The following KAZN variants were observed in gnomAD, a reference collection of about 807,000 sequenced individuals.
KAZN encodes kazrin.
A neutral mutation model predicts 87.4 loss-of-function variants in KAZN; 40 were observed. The observed-to-expected ratio is 0.46, with a 90% CI of 0.36 to 0.60. The LOEUF (loss-of-function observed/expected upper bound fraction) is 0.60, where lower values mean the gene tolerates loss of function less well. KAZN is among the 20% of genes least tolerant of loss of function. KAZN has a pLI of 0.00. For missense variants in KAZN, 898 were observed against 1,073.9 expected, an observed-to-expected ratio of 0.84 and a Z score of 2.29; for synonymous variants, 466 against 458.3, an observed-to-expected ratio of 1.02 and a Z score of -0.22.
chr1:14,800,437 G>A (rs1017126556), intron 1 of KAZN, among the ~76,000 whole-genome samples: 22 of 152,074 alleles, frequency 1.4e-4, no homozygotes, highest in African/African-American at 3.6e-4. Flanking sequence ...ACGGTGGCTC[G>A]TGCCTGTAAT....
chr1:14,179,309 C>A (rs887147138), intron 1 of KAZN, among the ~76,000 whole-genome samples: 3 of 152,190 alleles, frequency 2.0e-5, no homozygotes, highest in African/African-American at 7.2e-5. Context: ...TTTCTCTTTT[C>A]TATGCTGGAG....
intron 2 of KAZN, among the ~76,000 whole-genome samples, chr1:14,965,495 A>T (rs531068643): frequency 6.6e-6 from 1 of 152,348 alleles, no homozygotes; most frequent in Admixed American, 6.5e-5. Flanking sequence ...AATTTGCTTC[A>T]TTCCTTTTTA....
intron 1 of KAZN, among the ~76,000 whole-genome samples, chr1:14,810,834 G>C (rs1207904534): frequency 6.6e-6 from 1 of 152,132 alleles, no homozygotes; most frequent in Non-Finnish European, 1.5e-5. Context: ...CCCAGGGTGG[G>C]GACAGGCCAG....
intron 1 of KAZN, among the ~76,000 whole-genome samples, chr1:14,613,646 A>G (rs887897086): frequency 3.3e-5 from 5 of 152,254 alleles, no homozygotes; most frequent in Admixed American, 2.6e-4. Context: ...CATATATTTG[A>G]AAACTAATGG....
chr1:14,418,494 C>T (rs915287343), intron 2 of KAZN, among the ~76,000 whole-genome samples: 4 of 151,996 alleles, frequency 2.6e-5, no homozygotes, highest in African/African-American at 9.7e-5. Context: ...TGTAAGTTTT[C>T]GGGTGGGAAG....
chr1:14,145,408 C>T (rs1460219308), intron 1 of KAZN, among the ~76,000 whole-genome samples: 6 of 152,024 alleles, frequency 3.9e-5, no homozygotes, highest in Non-Finnish European at 8.8e-5. Context: ...TGCACTACTG[C>T]ACTCCAGCCT....
intron 1 of KAZN, among the ~76,000 whole-genome samples, chr1:14,804,404 C>T (rs2100754534): frequency 1.3e-5 from 2 of 152,200 alleles, no homozygotes; most frequent in East Asian, 3.9e-4. Context: ...GCTTGTAAGT[C>T]CTTGTGTCTC....
intron 2 of KAZN, among the ~76,000 whole-genome samples, chr1:14,237,963 TC>T (rs1362573442): frequency 6.6e-6 from 1 of 152,216 alleles, no homozygotes; most frequent in Non-Finnish European, 1.5e-5. Context: ...TTTCGGCCTT[TC>T]TTCTTTTCTA....
intron 1 of KAZN, among the ~76,000 whole-genome samples, chr1:14,872,252 T>G (rs538209639): frequency 1.3e-5 from 2 of 152,270 alleles, no homozygotes; most frequent in Admixed American, 6.5e-5. Flanking sequence ...AACTACTACT[T>G]TAGGGTGGTT....
chr1:14,602,964 A>G (rs1354408878), intron 1 of KAZN, among the ~76,000 whole-genome samples: 1 of 152,224 alleles, frequency 6.6e-6, no homozygotes, highest in Non-Finnish European at 1.5e-5. Flanking sequence ...GTACCTTTGT[A>G]CATTTCCATA....
At chr1:14,787,751 C>A (rs1645551692) in intron 1 of KAZN, among the ~76,000 whole-genome samples, 1 of 152,114 alleles carries the variant, frequency 6.6e-6, no homozygotes, top group Admixed American at 6.5e-5. Context: ...CAGTTGTGCA[C>A]AACAGCCCTG....
chr1:15,020,474 A>G (rs959315908), intron 2 of KAZN, among the ~76,000 whole-genome samples: 2 of 152,102 alleles, frequency 1.3e-5, no homozygotes, highest in African/African-American at 4.8e-5. Context: ...ACTTCTAGCC[A>G]TGGAGATTAA....
intron 1 of KAZN, among the ~76,000 whole-genome samples, chr1:14,822,291 T>C (rs1026021204): frequency 2.6e-5 from 4 of 152,154 alleles, no homozygotes; most frequent in Non-Finnish European, 4.4e-5. Context: ...CTAGAGATAC[T>C]GATTCAGGTC....
At chr1:14,668,903 C>T (rs368344109) in intron 1 of KAZN, among the ~76,000 whole-genome samples, 5 of 152,156 alleles carry the variant, frequency 3.3e-5, no homozygotes, top group African/African-American at 9.7e-5. Context: ...AAGGAGTTTG[C>T]GTTTGGAATT....
chr1:14,683,352 A>G (rs1640781050), intron 1 of KAZN, among the ~76,000 whole-genome samples: 1 of 152,178 alleles, frequency 6.6e-6, no homozygotes, highest in South Asian at 2.1e-4. Flanking sequence ...GAATTATATT[A>G]ATGGGACGTG....
rs776514083 is a variant in KAZN at position 14,381,302 on chromosome 1, C to A, written c.249+200710C>A. Reference sequence around the variant, plus strand: ...AAGAGAGAGATGCAACCTACAAGGACTGAACCATGAGCCATTCTAAACTCA... The same window carrying A: ...AAGAGAGAGATGCAACCTACAAGGAATGAACCATGAGCCATTCTAAACTCA... On this transcript the variant is annotated intron_variant, in intron 2 of 16. Coordinates refer to the KAZN transcript ENST00000636203. Among the ~76,000 whole-genome samples, 79 of 152,026 alleles carry A rather than the reference C, an allele frequency of 5.2e-4. 2 individuals carry two copies. The highest frequency in any genetic ancestry group is 2.6e-4 in the Admixed American group (4 of 15,270).
chr1:14,459,426 C>G (rs1040798456), intron 2 of KAZN, among the ~76,000 whole-genome samples: 1 of 151,824 alleles, frequency 6.6e-6, no homozygotes. Context: ...AAAAAGGCAG[C>G]TCTGCACTCT....
intron 1 of KAZN, among the ~76,000 whole-genome samples, chr1:14,065,228 C>T (rs1007309867): frequency 6.6e-6 from 1 of 152,146 alleles, no homozygotes; most frequent in Non-Finnish European, 1.5e-5. Flanking sequence ...CATGATAAAG[C>T]TCATTCAGGT....
At chr1:14,798,377 C>T (rs12062305) in intron 1 of KAZN, among the ~76,000 whole-genome samples, 2,893 of 151,036 alleles carry the variant, frequency 0.019, 60 homozygotes, top group African/African-American at 0.052. Context: ...ATCAATAGCC[C>T]TCGGAGGTGA....
Sources: allele counts gnomAD v4.1 joint callset (sites outside exome capture counted in the v4.1 genomes callset), GRCh38; gene constraint gnomAD v4.1.1; transcripts MANE v1.5; gene names NCBI Gene and HGNC (gene_info 2026-07-23, HGNC 2026-07-21).